RPH3A: variants seen among roughly 807,000 people sequenced by gnomAD.
RPH3A encodes the protein rabphilin 3A.
Under a neutral mutation model 102.2 loss-of-function variants are expected in RPH3A, and 48 were observed. The ratio of observed to expected loss-of-function variants is 0.47; its 90% CI spans 0.37 to 0.60. The LOEUF (loss-of-function observed/expected upper bound fraction) is 0.60. Ranked by LOEUF, RPH3A falls within the 20% of genes least tolerant of loss-of-function variation. The pLI is 0.00. For missense variants in RPH3A, 781 were observed against 910.1 expected (o/e 0.86, Z 1.83); for synonymous variants, 310 against 324.3 (o/e 0.96, Z 0.47).
intron 2 of RPH3A, among the ~76,000 whole-genome samples, chr12:112,800,310 G>A (rs933597015): frequency 1.3e-5 from 2 of 152,192 alleles, no homozygotes; most frequent in Non-Finnish European, 2.9e-5. Context: ...AGTGGGGGCA[G>A]TAAGTGCAAA....
intron 2 of RPH3A, among the ~76,000 whole-genome samples, chr12:112,821,659 C>T (rs1475130192): frequency 6.6e-6 from 1 of 152,212 alleles, no homozygotes; most frequent in Non-Finnish European, 1.5e-5. Flanking sequence ...AATCACACTT[C>T]CCCCCAAGTT....
At chr12:112,864,305 G>A (rs753313964) in intron 5 of RPH3A, among the ~76,000 whole-genome samples, 1 of 152,104 alleles carries the variant, frequency 6.6e-6, no homozygotes, top group South Asian at 2.1e-4. Flanking sequence ...ACAAAAATTA[G>A]CCCAGCATGG....
chr12:112,756,626 T>C (rs1316283632), intron 1 of RPH3A, among the ~76,000 whole-genome samples: 1 of 152,222 alleles, frequency 6.6e-6, no homozygotes, highest in Non-Finnish European at 1.5e-5. Context: ...TATAGAATAC[T>C]ATTGTTTGGA....
intron 1 of RPH3A, among the ~76,000 whole-genome samples, chr12:112,703,834 C>T (rs1246378636): frequency 6.6e-6 from 1 of 152,224 alleles, no homozygotes; most frequent in East Asian, 1.9e-4. Context: ...CCTGTGTCTT[C>T]ATTCAGCCGC....
At chr12:112,743,951 A>G (rs1050074298) in intron 1 of RPH3A, among the ~76,000 whole-genome samples, 1 of 152,180 alleles carries the variant, frequency 6.6e-6, no homozygotes, top group South Asian at 2.1e-4. Context: ...GAGCCTGATT[A>G]TCTTTGTAAC....
At chr12:112,754,067 G>T (rs2040804240) in intron 1 of RPH3A, among the ~76,000 whole-genome samples, 1 of 152,154 alleles carries the variant, frequency 6.6e-6, no homozygotes, top group Non-Finnish European at 1.5e-5. Context: ...CACAGAAGGA[G>T]TGCAGCGCTG....
upstream of RPH3A, among the ~76,000 whole-genome samples, chr12:112,790,886 T>C (rs1307916051): frequency 6.6e-6 from 1 of 152,186 alleles, no homozygotes; most frequent in Non-Finnish European, 1.5e-5. Flanking sequence ...GTCCAAACAT[T>C]TGTGTTTTAG....
intron 1 of RPH3A, among the ~76,000 whole-genome samples, chr12:112,587,140 T>G (rs995540598): frequency 2.0e-5 from 3 of 152,268 alleles, no homozygotes; most frequent in African/African-American, 7.2e-5. Context: ...TGAGTTTGAT[T>G]TAACCCTTGT....
chr12:112,712,673 A>G (rs112657044), intron 1 of RPH3A, among the ~76,000 whole-genome samples: 7 of 149,078 alleles, frequency 4.7e-5, no homozygotes, highest in East Asian at 2.0e-4. Context: ...GTGTGTGTGT[A>G]TGTGTGTGTG....
chr12:112,872,454 CTT>C (rs1361118528), intron 10 of RPH3A, among the ~76,000 whole-genome samples: 1 of 152,056 alleles, frequency 6.6e-6, no homozygotes, highest in Non-Finnish European at 1.5e-5. Flanking sequence ...ATATTAATGT[CTT>C]ATCAGATATA....
intron 1 of RPH3A, among the ~76,000 whole-genome samples, chr12:112,647,120 C>G (rs190287011): frequency 1.8e-4 from 28 of 152,240 alleles, no homozygotes; most frequent in Non-Finnish European, 2.2e-4. Flanking sequence ...GATTGAAGAC[C>G]CACATTTTAT....
At chr12:112,611,589 C>T (rs1262982708) in intron 1 of RPH3A, among the ~76,000 whole-genome samples, 1 of 152,062 alleles carries the variant, frequency 6.6e-6, no homozygotes, top group East Asian at 1.9e-4. Context: ...CAGGTGCGCA[C>T]CACCACGCCC....
At chr12:112,829,050 T>C (rs116092857) in intron 3 of RPH3A, among the ~76,000 whole-genome samples, 5,794 of 152,302 alleles carry the variant, frequency 0.038, 140 homozygotes, top group African/African-American at 0.067. Context: ...TGGCCTACTT[T>C]GGGCATTTCT....
At chr12:112,598,127 A>G (rs1812637932) in intron 1 of RPH3A, among the ~76,000 whole-genome samples, 1 of 152,240 alleles carries the variant, frequency 6.6e-6, no homozygotes, top group Non-Finnish European at 1.5e-5. Context: ...TCAATCCTGC[A>G]GACGCCTTCT....
intron 2 of RPH3A, among the ~76,000 whole-genome samples, chr12:112,793,242 A>G (rs2041158970): frequency 6.6e-6 from 1 of 152,232 alleles, no homozygotes; most frequent in Non-Finnish European, 1.5e-5. Context: ...CTAATCTGCT[A>G]CCCATCAAAA....
At chr12:112,756,180 G>A (rs1245442864) in intron 1 of RPH3A, among the ~76,000 whole-genome samples, 1 of 151,776 alleles carries the variant, frequency 6.6e-6, no homozygotes, top group African/African-American at 2.4e-5. Context: ...ATTACACATT[G>A]TATACATGTG....
At chr12:112,812,669 TTC>T (rs35202488) in intron 2 of RPH3A, among the ~76,000 whole-genome samples, 28,677 of 149,124 alleles carry the variant, frequency 0.19, 4,191 homozygotes, top group African/African-American at 0.41. Context: ...TTCTATCCCC[TTC>T]TCTCTCTCTC....
chr12:112,874,873 A>G (rs1162733448), intron 10 of RPH3A: 2 of 531,962 alleles, frequency 3.8e-6, no homozygotes, highest in Non-Finnish European at 6.6e-6. Context: ...CTTTTTAACA[A>G]CTGCTGCTGC....
chr12:112,713,355 G>A (rs568147348), intron 1 of RPH3A, among the ~76,000 whole-genome samples: 3 of 151,858 alleles, frequency 2.0e-5, no homozygotes, highest in Non-Finnish European at 2.9e-5. Context: ...CATCAAGGTC[G>A]AGACTCATTC....
Sources: allele counts gnomAD v4.1 joint callset (sites outside exome capture counted in the v4.1 genomes callset), GRCh38; gene constraint gnomAD v4.1.1; transcripts MANE v1.5; gene names NCBI Gene and HGNC (gene_info 2026-07-23, HGNC 2026-07-21).